Variants in NCALD observed in about 807,000 individuals in gnomAD.
The protein encoded by NCALD is neurocalcin delta, also known as neurocalcin-delta.
In NCALD, 10 loss-of-function variants were observed where a neutral mutation model predicts 18.6. The ratio of observed to expected loss-of-function variants is 0.54; its 90% CI spans 0.33 to 0.91. NCALD has a LOEUF of 0.91. Among genes scored for constraint, NCALD ranks in the 40% least tolerant of loss-of-function variants. The pLI is 0.03. For synonymous variants in NCALD, 88 were observed against 87.4 expected, an observed-to-expected ratio of 1.01 and a Z score of -0.04; for missense variants, 184 against 247.6, an observed-to-expected ratio of 0.74 and a Z score of 1.72.
At chr8:102,072,550 C>T (rs529517947) in intron 1 of NCALD, among the ~76,000 whole-genome samples, 117 of 152,032 alleles carry the variant, frequency 7.7e-4, no homozygotes, top group Non-Finnish European at 1.2e-3. Flanking sequence ...TTGGGCCCTC[C>T]GCTACTTAGA....
chr8:101,839,407 T>C (rs978062672), intron 4 of NCALD, among the ~76,000 whole-genome samples: 3 of 152,126 alleles, frequency 2.0e-5, no homozygotes, highest in Non-Finnish European at 4.4e-5. Flanking sequence ...GATGTCATAC[T>C]CCTTAAAGTC....
At position 102,062,961 on chromosome 8, in the gene NCALD, T is replaced by C. The variant is rs1823894468; in HGVS notation, c.-209-42672A>G. On this transcript the variant is annotated intron_variant, in intron 1 of 6. Transcript: ENST00000311028. ...CTAAAACTTGAATAAGGTACTTTCCTTTTAAAGAAAAAAAAATCCTCAAGG... is the reference window on the plus strand; with the variant it reads ...CTAAAACTTGAATAAGGTACTTTCCCTTTAAAGAAAAAAAAATCCTCAAGG... 3.3e-5 allele frequency among the ~76,000 whole-genome samples: 5 copies of C among 152,264 alleles called. 1 individual carries two copies. In the South Asian group the frequency reaches 1.0e-3, roughly 32 times the overall value.
intron 4 of NCALD, among the ~76,000 whole-genome samples, chr8:101,850,383 G>A (rs1252090798): frequency 6.6e-6 from 1 of 152,138 alleles, no homozygotes; most frequent in African/African-American, 2.4e-5. Context: ...TTTTCTGTAA[G>A]TAAATGATGA....
chr8:102,014,392 C>T (rs1822007952), intron 2 of NCALD, among the ~76,000 whole-genome samples: 1 of 152,126 alleles, frequency 6.6e-6, no homozygotes, highest in African/African-American at 2.4e-5. Flanking sequence ...CTAATCACCT[C>T]CCAAAGGCTC....
At chr8:101,931,610 C>T (rs1374199243) in intron 2 of NCALD, among the ~76,000 whole-genome samples, 2 of 147,750 alleles carry the variant, frequency 1.4e-5, no homozygotes, top group Non-Finnish European at 1.5e-5. Context: ...TGTCAATCAC[C>T]TTCCTTTTTT....
rs1185896320 is a variant in NCALD, at chr8:101,884,692, A to G, written c.-20+2449T>C. On this transcript the variant is annotated intron_variant, in intron 4 of 6. Coordinates refer to the NCALD transcript ENST00000311028. ...CTATTTTTTTCTACATACTAATACA[A>G]AAGCAGTTTGTTTTTGTTTTTGTTT... is the stretch of plus-strand genomic sequence containing the variant. Among the ~76,000 whole-genome samples, 5 of 142,592 alleles carry G rather than the reference A, an allele frequency of 3.5e-5. No homozygotes were observed. The East Asian group carries it at 1.1e-3, about 31-fold the overall frequency. 93.5% of individuals were successfully genotyped at this position (142,592 alleles called of 152,430 possible).
At chr8:101,919,073 G>T (rs1419159964) in intron 2 of NCALD, among the ~76,000 whole-genome samples, 1 of 152,022 alleles carries the variant, frequency 6.6e-6, no homozygotes, top group Admixed American at 6.6e-5. Flanking sequence ...AATAGCCAAA[G>T]CAATCCTAAG....
At chr8:101,968,561 G>C (rs1270944966) in intron 2 of NCALD, among the ~76,000 whole-genome samples, 1 of 152,132 alleles carries the variant, frequency 6.6e-6, no homozygotes, top group African/African-American at 2.4e-5. Flanking sequence ...TTATCCCTAA[G>C]ATGGGTCACA....
At chr8:101,915,310 A>G (rs1423464225) in intron 3 of NCALD, among the ~76,000 whole-genome samples, 3 of 152,224 alleles carry the variant, frequency 2.0e-5, no homozygotes, top group African/African-American at 7.2e-5. Flanking sequence ...CAGAGCTGCC[A>G]CACAAATTGA....
chr8:101,966,880 C>T (rs1014126448), intron 2 of NCALD, among the ~76,000 whole-genome samples: 1 of 151,928 alleles, frequency 6.6e-6, no homozygotes, highest in African/African-American at 2.4e-5. Context: ...TAAACCATGG[C>T]ACATTTATAC....
chr8:101,757,892 A>C (rs1563737532), intron 1 of NCALD, among the ~76,000 whole-genome samples: 1 of 151,976 alleles, frequency 6.6e-6, no homozygotes, highest in African/African-American at 2.4e-5. Flanking sequence ...TATTTTAACA[A>C]TTTTTTTAGA....
intron 3 of NCALD, among the ~76,000 whole-genome samples, chr8:101,896,246 G>C (rs1420793183): frequency 6.6e-6 from 1 of 151,958 alleles, no homozygotes; most frequent in South Asian, 2.1e-4. Flanking sequence ...ACAAACCTGA[G>C]AAAAACAAGC....
At chr8:101,937,022 C>T (rs1297360567) in intron 2 of NCALD, among the ~76,000 whole-genome samples, 1 of 152,138 alleles carries the variant, frequency 6.6e-6, no homozygotes, top group Admixed American at 6.5e-5. Flanking sequence ...ATATTTGCTA[C>T]ATCTTCCAAC....
At chr8:102,056,231 C>T (rs1011556662) in intron 1 of NCALD, among the ~76,000 whole-genome samples, 1 of 152,158 alleles carries the variant, frequency 6.6e-6, no homozygotes, top group Non-Finnish European at 1.5e-5. Context: ...CTAGTAAGAA[C>T]AATGGGGCTT....
At chr8:101,757,827 A>G (rs1011481426) in intron 1 of NCALD, among the ~76,000 whole-genome samples, 1 of 152,208 alleles carries the variant, frequency 6.6e-6, no homozygotes, top group African/African-American at 2.4e-5. Context: ...AAATGTGAAC[A>G]TAATTTCTTG....
At chr8:101,691,694 T>C (rs1184470121) in intron 3 of NCALD, 3 of 985,142 alleles carry the variant, frequency 3.0e-6, no homozygotes, top group Non-Finnish European at 3.6e-6. Flanking sequence ...GGCACCTTTG[T>C]GGAGGAAACA....
chr8:102,050,760 T>C (rs1823416138), intron 1 of NCALD, among the ~76,000 whole-genome samples: 1 of 146,704 alleles, frequency 6.8e-6, no homozygotes, highest in Admixed American at 6.8e-5. Context: ...TATATATAAA[T>C]ATATAATTTT....
At chr8:102,025,488 C>T (rs1264991293) in intron 1 of NCALD, among the ~76,000 whole-genome samples, 1 of 152,144 alleles carries the variant, frequency 6.6e-6, no homozygotes, top group Non-Finnish European at 1.5e-5. Flanking sequence ...GTGCCTAGTA[C>T]TCAATAAAAG....
intron 3 of NCALD, among the ~76,000 whole-genome samples, chr8:101,891,202 T>A (rs1323629345): frequency 2.0e-5 from 3 of 152,134 alleles, no homozygotes; most frequent in African/African-American, 7.2e-5. Flanking sequence ...ACCACTACAA[T>A]CAAGATAGAG....
Sources: gnomAD v4.1 joint callset for allele counts (sites outside exome capture counted in the v4.1 genomes callset) on GRCh38, gnomAD v4.1.1 for gene constraint, MANE v1.5 for transcripts, NCBI Gene and HGNC (gene_info 2026-07-23, HGNC 2026-07-21) for gene names.